GMDS: variants seen among roughly 807,000 people sequenced by gnomAD.
The protein encoded by GMDS is GDP-mannose 4,6 dehydratase.
GMDS carries 20 observed loss-of-function variants against 49.9 expected under a neutral mutation model. The observed-to-expected ratio is 0.40, with a 90% confidence interval of 0.28 to 0.58. The LOEUF is 0.58. GMDS is among the 20% of genes least tolerant of loss of function. The pLI, the probability that GMDS is intolerant of heterozygous loss-of-function variation, is 0.42. For missense variants in GMDS, 362 were observed against 481.4 expected, an observed-to-expected ratio of 0.75 and a Z score of 2.32; for synonymous variants, 177 against 178.6, an observed-to-expected ratio of 0.99 and a Z score of 0.07.
intron 7 of GMDS, among the ~76,000 whole-genome samples, chr6:1,875,062 T>C (rs904241977): frequency 6.6e-6 from 1 of 152,210 alleles, no homozygotes; most frequent in Non-Finnish European, 1.5e-5. Flanking sequence ...ATTTTTTTGT[T>C]TCTTCTCATT....
intron 7 of GMDS, among the ~76,000 whole-genome samples, chr6:1,910,068 TA>T (rs1361407857): frequency 2.0e-5 from 3 of 152,222 alleles, no homozygotes; most frequent in Non-Finnish European, 4.4e-5. Context: ...AATTTTTTAA[TA>T]TTTTTTACAT....
Position 2,215,167 on chromosome 6 carries a change from A to G in GMDS, c.102+30154T>C, listed in dbSNP as rs1263041767. On this transcript the variant is annotated intron_variant, in intron 1 of 10. Coordinates refer to ENST00000380815, the MANE Select transcript of GMDS (RefSeq NM_001500.4). ...AGAAACAAAACACAGCAAATGGCTC[A>G]GTGTCCTCAACAAACAGATTATAAG... 3.3e-5 allele frequency among the ~76,000 whole-genome samples: 5 copies of G among 152,196 alleles called. No homozygotes were observed. The East Asian group carries it at 9.6e-4, about 29-fold the overall frequency.
chr6:1,780,960 G>A (rs1473048330), intron 7 of GMDS, among the ~76,000 whole-genome samples: 1 of 152,104 alleles, frequency 6.6e-6, no homozygotes, highest in Non-Finnish European at 1.5e-5. Flanking sequence ...TCTGAACACA[G>A]TTTGAGTTTG....
In GMDS at chr6:2,037,417, T is replaced by G. The variant is rs576736121; in HGVS notation, c.346-76451A>C. Among the ~76,000 whole-genome samples, 6 of 152,254 alleles carry G rather than the reference T, an allele frequency of 3.9e-5. No homozygotes were observed. In the South Asian group the frequency reaches 1.2e-3, roughly 32 times the overall value. On this transcript the variant is annotated intron_variant, in intron 4 of 10. Coordinates refer to ENST00000380815, the MANE Select transcript of GMDS (RefSeq NM_001500.4). ...CTGCAGTTCCCTCACTAGTCAGCTG[T>G]GCATGGGGGTCCTGCTCATTCTGGA... is the stretch of plus-strand genomic sequence containing the variant.
At chr6:2,030,639 A>G (rs1167500965) in intron 4 of GMDS, among the ~76,000 whole-genome samples, 2 of 152,214 alleles carry the variant, frequency 1.3e-5, no homozygotes, top group Admixed American at 6.5e-5. Context: ...GACTCACTCT[A>G]TAACAGTTCC....
chr6:1,751,405 C>G (rs1418129871), intron 7 of GMDS, among the ~76,000 whole-genome samples: 3 of 152,240 alleles, frequency 2.0e-5, no homozygotes, highest in Non-Finnish European at 4.4e-5. Flanking sequence ...TGTTCTGCAG[C>G]CTCTGCTGGT....
intron 9 of GMDS, among the ~76,000 whole-genome samples, chr6:1,658,929 G>A (rs532484672): frequency 1.3e-5 from 2 of 152,346 alleles, no homozygotes; most frequent in South Asian, 4.1e-4. Flanking sequence ...TGAGGGGCTG[G>A]AACTACTTGG....
At chr6:1,732,529 G>A (rs1766851018) in intron 8 of GMDS, among the ~76,000 whole-genome samples, 2 of 152,136 alleles carry the variant, frequency 1.3e-5, no homozygotes, top group Admixed American at 6.5e-5. Context: ...AGAGGAGGCC[G>A]ACAGATAAGT....
chr6:2,085,982 T>C (rs748205333), intron 4 of GMDS, among the ~76,000 whole-genome samples: 1 of 152,162 alleles, frequency 6.6e-6, no homozygotes, highest in Non-Finnish European at 1.5e-5. Context: ...ACAATACAGA[T>C]TACATCAAAT....
intron 4 of GMDS, among the ~76,000 whole-genome samples, chr6:1,974,170 G>A (rs1764768630): frequency 6.6e-6 from 1 of 151,698 alleles, no homozygotes; most frequent in African/African-American, 2.4e-5. Context: ...AACCTAAGCT[G>A]TGAGAGAAAT....
chr6:2,201,105 G>C, intron 1 of GMDS, among the ~76,000 whole-genome samples: 1 of 140,420 alleles, frequency 7.1e-6, no homozygotes, highest in Non-Finnish European at 1.5e-5. Context: ...TTAGCAGAGG[G>C]GTGAAAGATG....
At chr6:2,096,014 A>AT (rs2127480986) in intron 4 of GMDS, among the ~76,000 whole-genome samples, 1 of 152,368 alleles carries the variant, frequency 6.6e-6, no homozygotes, top group South Asian at 2.1e-4. Flanking sequence ...TATATACCTG[A>AT]TAAAAAGTTA....
rs187595878 is a variant in GMDS, at chr6:1,888,407, C to T, written c.771+41696G>A. Among the ~76,000 whole-genome samples, 538 of 152,110 alleles carry T rather than the reference C, an allele frequency of 3.5e-3. 1 individual carries two copies. Among genetic ancestry groups the T allele is most frequent in the Non-Finnish European group, 6.7e-3 (454 of 68,000 alleles). ...AGGAAGGACAATGCCAGAGGAATGA[C>T]CAGACACTTATAAAACCATCAGATC... On this transcript the variant is annotated intron_variant, in intron 7 of 10. Coordinates refer to ENST00000380815, the MANE Select transcript of GMDS (RefSeq NM_001500.4).
At chr6:1,736,797 A>G (rs969126836) in intron 8 of GMDS, among the ~76,000 whole-genome samples, 5 of 152,240 alleles carry the variant, frequency 3.3e-5, no homozygotes, top group South Asian at 4.1e-4. Context: ...AGTATGGCTC[A>G]TTACATGAGA....
chr6:1,960,558 T>G (rs2127296716), intron 5 of GMDS, among the ~76,000 whole-genome samples: 1 of 152,276 alleles, frequency 6.6e-6, no homozygotes. Flanking sequence ...GAGGTGGTAA[T>G]TTCACCCCGA....
intron 1 of GMDS, among the ~76,000 whole-genome samples, chr6:2,127,077 T>A (rs1393073100): frequency 6.6e-6 from 1 of 152,204 alleles, no homozygotes; most frequent in Non-Finnish European, 1.5e-5. Flanking sequence ...AAAATATATG[T>A]CAGATAATGA....
rs1290165172 is a variant in GMDS, at chr6:2,010,349, G to GA, written c.346-49384dup. Reference sequence around the variant, plus strand: ...CTCAAAAAAAAAAAAAAGAAAGAAAGAAAAAAAAAAACACATAGCACATCA... The same window carrying GA: ...CTCAAAAAAAAAAAAAAGAAAGAAAGAAAAAAAAAAAACACATAGCACATCA... On this transcript the variant is annotated intron_variant, in intron 4 of 10. Transcript: ENST00000380815. 3.9e-3 allele frequency among the ~76,000 whole-genome samples: 531 copies of GA among 135,672 alleles called. 5 individuals carry two copies. The highest frequency in any genetic ancestry group is 0.012 in the African/African-American group (437 of 36,332). The allele number at this position is 135,672 out of a possible 152,430, so 89.0% of individuals were successfully genotyped here.
At chr6:1,829,737 CT>C (rs1771274394) in intron 7 of GMDS, among the ~76,000 whole-genome samples, 1 of 152,232 alleles carries the variant, frequency 6.6e-6, no homozygotes, top group Non-Finnish European at 1.5e-5. Flanking sequence ...CCACATCTGG[CT>C]GCTTACACCT....
At chr6:1,654,126 T>C (rs1245959937) in intron 9 of GMDS, among the ~76,000 whole-genome samples, 2 of 152,192 alleles carry the variant, frequency 1.3e-5, no homozygotes, top group African/African-American at 4.8e-5. Context: ...GGGAAGAATA[T>C]GTAGAAACTG....
Sources: gnomAD v4.1 joint callset for allele counts (sites outside exome capture counted in the v4.1 genomes callset) on GRCh38, gnomAD v4.1.1 for gene constraint, MANE v1.5 for transcripts, NCBI Gene and HGNC (gene_info 2026-07-23, HGNC 2026-07-21) for gene names.